Variants in AKAP10 observed in about 807,000 individuals in gnomAD.
AKAP10 encodes the protein A-kinase anchor protein 10, mitochondrial.
A neutral mutation model predicts 80.8 loss-of-function variants in AKAP10; 24 were observed. The ratio of observed to expected loss-of-function variants is 0.30; its 90% CI spans 0.22 to 0.42. AKAP10 has a LOEUF of 0.42. Among genes scored for constraint, AKAP10 ranks in the 10% least tolerant of loss-of-function variants. The pLI is 1.00. For synonymous variants in AKAP10, 291 were observed against 277.7 expected (o/e 1.05, Z -0.48); for missense variants, 661 against 794.9 (o/e 0.83, Z 2.03).
intron 1 of AKAP10, among the ~76,000 whole-genome samples, chr17:19,972,339 C>T (rs1038337459): frequency 2.0e-5 from 3 of 152,130 alleles, no homozygotes; most frequent in African/African-American, 7.2e-5. Flanking sequence ...CTCTTCATGT[C>T]CCTTGTCTTT....
chr17:19,916,138 A>C (rs1357325569), intron 12 of AKAP10, among the ~76,000 whole-genome samples: 1 of 152,212 alleles, frequency 6.6e-6, no homozygotes, highest in East Asian at 1.9e-4. Flanking sequence ...GCCTGGGCTT[A>C]CGCCCCCGCT....
chr17:19,946,276 T>TAATATATATA (rs1491441373), intron 5 of AKAP10, among the ~76,000 whole-genome samples: 1 of 10,816 alleles, frequency 9.2e-5, no homozygotes, highest in Non-Finnish European at 1.7e-4. Context: ...TATATATATA[T>TAATATATATA]TTTTTTTTTT....
intron 5 of AKAP10, among the ~76,000 whole-genome samples, chr17:19,946,216 T>TAC: frequency 1.9e-5 from 1 of 51,786 alleles, no homozygotes; most frequent in African/African-American, 6.7e-5. Context: ...TATATATATA[T>TAC]ATATTTTATA....
At chr17:19,917,570 G>A (rs1448408968) in intron 12 of AKAP10, among the ~76,000 whole-genome samples, 1 of 152,004 alleles carries the variant, frequency 6.6e-6, no homozygotes, top group Non-Finnish European at 1.5e-5. Context: ...CACCCTCCTG[G>A]GCTCCAACAC....
chr17:19,951,282 G>A (rs1447727090), intron 4 of AKAP10, among the ~76,000 whole-genome samples: 2 of 148,008 alleles, frequency 1.4e-5, no homozygotes, highest in Non-Finnish European at 3.0e-5. Context: ...GGAGGTGGGG[G>A]GCGCCTCCGC....
rs74207991 is a variant in AKAP10, at chr17:19,923,895, C to A, written c.1751+513G>T. On this transcript the variant is annotated intron_variant, in intron 11 of 14. Transcript: ENST00000225737. Reference sequence around the variant, plus strand: ...CCCTTTTTCATGGTGCTGCTGGGAACTGGGGTACGGATCAGGGTAGTGTAA... The same window carrying A: ...CCCTTTTTCATGGTGCTGCTGGGAAATGGGGTACGGATCAGGGTAGTGTAA... Among the ~76,000 whole-genome samples the A allele has an allele frequency of 2.7e-3, 405 of 152,208 alleles. 15 individuals are homozygous for A. The East Asian group carries it at 0.074, about 28-fold the overall frequency.
chr17:19,950,365 G>C (rs2043185969), intron 4 of AKAP10, among the ~76,000 whole-genome samples: 1 of 152,366 alleles, frequency 6.6e-6, no homozygotes, highest in Admixed American at 6.5e-5. Context: ...TGAAAGCCGA[G>C]GCTGGACTGT....
In AKAP10 at chr17:19,920,028, C is replaced by A; in HGVS notation, c.1834+8G>T. The stretch of plus-strand genomic sequence containing the variant: ...AGGCTTAATATGAAGTATAAAAACA[C>A]CACAAACCTTTTGATTTCCTTACAT... On this transcript the variant is annotated splice_region_variant and intron_variant, in intron 12 of 14. Transcript: ENST00000225737. 6.2e-7 allele frequency: 1 copy of A among 1,608,308 alleles called. No individual in the cohort carries two copies. The highest frequency in any genetic ancestry group is 2.2e-5 in the East Asian group (1 of 44,780).
At chr17:19,920,364 A>T (rs2042796342) in intron 11 of AKAP10, among the ~76,000 whole-genome samples, 1 of 152,216 alleles carries the variant, frequency 6.6e-6, no homozygotes. Context: ...GTCAACAGGT[A>T]ATTCACAATT....
chr17:19,961,565 G>A (rs1330835884), intron 3 of AKAP10, among the ~76,000 whole-genome samples: 1 of 152,128 alleles, frequency 6.6e-6, no homozygotes, highest in Non-Finnish European at 1.5e-5. Flanking sequence ...AGAGAGAGAT[G>A]TCAAAAGCAG....
intron 12 of AKAP10, among the ~76,000 whole-genome samples, chr17:19,915,657 G>A (rs1242669156): frequency 1.3e-5 from 2 of 152,174 alleles, no homozygotes; most frequent in Non-Finnish European, 2.9e-5. Context: ...AATAATACAA[G>A]TAACTTCATA....
intron 4 of AKAP10, among the ~76,000 whole-genome samples, chr17:19,949,076 C>A (rs141653962): frequency 6.6e-6 from 1 of 151,992 alleles, no homozygotes; most frequent in Non-Finnish European, 1.5e-5. Context: ...CATTATCTCA[C>A]AAGAGAAAAG....
intron 10 of AKAP10, among the ~76,000 whole-genome samples, chr17:19,928,614 C>G (rs1437726624): frequency 3.3e-5 from 5 of 152,274 alleles, no homozygotes; most frequent in Non-Finnish European, 4.4e-5. Context: ...TAGTGGCTCA[C>G]CCCTGTAATC....
At chr17:19,941,980 C>A in intron 5 of AKAP10, 70 bp from the exon 6 acceptor site, 1 of 1,399,532 alleles carries the variant, frequency 7.1e-7, no homozygotes, top group Non-Finnish European at 9.8e-7. Context: ...TGTGAATCAA[C>A]TTGGGAGTTA....
chr17:19,913,458 G>A (rs1190275761), intron 12 of AKAP10, among the ~76,000 whole-genome samples: 1 of 151,934 alleles, frequency 6.6e-6, no homozygotes, highest in African/African-American at 2.4e-5. Flanking sequence ...GGCCCTAATT[G>A]TTGTATTTTT....
At chr17:19,919,917 G>A (rs1256720212) in intron 12 of AKAP10, 119 bp downstream of exon 12, 3 of 767,162 alleles carry the variant, frequency 3.9e-6, no homozygotes, top group Non-Finnish European at 6.2e-6. Context: ...TAAACACAAG[G>A]TGAAAGATAC....
intron 1 of AKAP10, 29 bp from the exon 2 acceptor site, chr17:19,968,490 A>G (rs2152419286): frequency 6.3e-7 from 1 of 1,587,508 alleles, no homozygotes; most frequent in East Asian, 2.2e-5. Context: ...ATTATGACCA[A>G]CTTTTGCAGT....
rs146359586 is a variant in AKAP10 at position 19,946,337 on chromosome 17, C to T, written c.976+1070G>A. Reference sequence around the variant, plus strand: ...GGGCATAAGAGAAGGCTGGTCCCAACCTACAGTATGAAAAACACTGCCACA... The same window carrying T: ...GGGCATAAGAGAAGGCTGGTCCCAATCTACAGTATGAAAAACACTGCCACA... On this transcript the variant is annotated intron_variant, in intron 5 of 14. Transcript: ENST00000225737. Among the ~76,000 whole-genome samples the T allele has an allele frequency of 2.6e-3, 290 of 112,952 alleles. 11 individuals are homozygous for T. The East Asian group carries it at 0.081, about 31-fold the overall frequency. 74.1% of individuals were successfully genotyped at this position (112,952 alleles called of 152,430 possible).
At chr17:19,971,114 G>A (rs2043491546) in intron 1 of AKAP10, among the ~76,000 whole-genome samples, 1 of 151,800 alleles carries the variant, frequency 6.6e-6, no homozygotes, top group Non-Finnish European at 1.5e-5. Context: ...GCCTCCCAAA[G>A]TGCTGGGATT....
Sources: gnomAD v4.1 joint callset for allele counts (sites outside exome capture counted in the v4.1 genomes callset) on GRCh38, gnomAD v4.1.1 for gene constraint, MANE v1.5 for transcripts, NCBI Gene and HGNC (gene_info 2026-07-23, HGNC 2026-07-21) for gene names.